PDXDC1: variants seen among roughly 807,000 people sequenced by gnomAD.
The protein encoded by PDXDC1 is pyridoxal-dependent decarboxylase domain-containing protein 1.
PDXDC1 carries 42 observed loss-of-function variants against 100.1 expected under a neutral mutation model. The ratio of observed to expected loss-of-function variants is 0.42; its 90% CI spans 0.33 to 0.54. The LOEUF (loss-of-function observed/expected upper bound fraction) is 0.54, where lower values mean the gene tolerates loss of function less well. PDXDC1 is among the 20% of genes least tolerant of loss of function. The pLI is 0.10. For missense variants in PDXDC1, 636 were observed against 979.2 expected (o/e 0.65, Z 4.68); for synonymous variants, 260 against 371.7 (o/e 0.70, Z 3.46).
At chr16:15,060,578 T>G (rs2044674982) in intron 16 of PDXDC1, 1 of 153,304 alleles carries the variant, frequency 6.5e-6, no homozygotes. Context: ...AAAGTACACA[T>G]GTAAGAAACA....
At chr16:15,104,172 CAA>C in intron 16 of PDXDC1, 20 of 602,280 alleles carry the variant, frequency 3.3e-5, no homozygotes, top group Admixed American at 5.4e-5. Context: ...ACTCCAGTCT[CAA>C]AAAAAAAAAC....
In PDXDC1 at chr16:15,036,191, CGACCA is replaced by C; in HGVS notation, c.2288_2292del (p.Gln763ArgfsTer13). ...CAGGGGCTCCCAGCCCTCAGCACAC[CGACCA>C]GACCGAGGCCTTCCAGAAAGGGGTC... On this transcript the variant is annotated frameshift_variant, in exon 23 of 23. Coordinates refer to ENST00000396410, the MANE Select transcript of PDXDC1 (RefSeq NM_015027.4). LOFTEE classifies it low-confidence loss of function (END_TRUNC). The C allele has an allele frequency of 6.2e-7, 1 of 1,614,064 alleles. No individual in the cohort carries two copies. The highest frequency in any genetic ancestry group is 8.5e-7 in the Non-Finnish European group (1 of 1,179,998).
downstream of PDXDC1, among the ~76,000 whole-genome samples, chr16:15,142,101 G>A (rs189687193): frequency 3.3e-5 from 5 of 152,288 alleles, no homozygotes; most frequent in African/African-American, 7.2e-5. Context: ...CCCAGGCCAC[G>A]GGAGAAAGGA....
At chr16:15,143,707 C>T (rs2048509790), downstream of PDXDC1, among the ~76,000 whole-genome samples, 1 of 152,220 alleles carries the variant, frequency 6.6e-6, no homozygotes, top group South Asian at 2.1e-4. Flanking sequence ...GGACTGAGAA[C>T]TTCCCTGGGT....
intron 15 of PDXDC1, chr16:15,029,497 C>T (rs1272032478): frequency 1.5e-5 from 5 of 342,948 alleles, no homozygotes; most frequent in Admixed American, 4.6e-5. Flanking sequence ...TGCTGGGGCT[C>T]AGCACAGCTG....
chr16:15,064,167 TTTG>T (rs1265010414), intron 16 of PDXDC1, among the ~76,000 whole-genome samples: 1 of 152,012 alleles, frequency 6.6e-6, no homozygotes, highest in Non-Finnish European at 1.5e-5. Context: ...TAAATCGCTT[TTTG>T]TTTTTTTTTT....
intron 16 of PDXDC1, chr16:15,046,113 G>T (rs937447595): frequency 6.6e-6 from 1 of 152,226 alleles, no homozygotes; most frequent in African/African-American, 2.4e-5. Flanking sequence ...CCCCCTGCGG[G>T]GGCCAAGATG....
chr16:15,129,741 A>C (rs2047949676), intron 16 of PDXDC1: 3 of 617,610 alleles, frequency 4.9e-6, no homozygotes, highest in Non-Finnish European at 8.8e-6. Context: ...GGTCATTCCC[A>C]GGATGAACAC....
chr16:15,101,384 T>G (rs894091493), intron 16 of PDXDC1, among the ~76,000 whole-genome samples: 1 of 152,212 alleles, frequency 6.6e-6, no homozygotes, highest in African/African-American at 2.4e-5. Flanking sequence ...TGGCACGATC[T>G]CGGCTCACTG....
At chr16:15,125,489 C>G (rs2151901895) in intron 16 of PDXDC1, 3 of 1,200,228 alleles carry the variant, frequency 2.5e-6, no homozygotes, top group Non-Finnish European at 3.7e-6. Flanking sequence ...AGCCCGCACA[C>G]CCCCGGTACT....
At chr16:15,103,721 G>A (rs2151853427) in intron 16 of PDXDC1, among the ~76,000 whole-genome samples, 1 of 113,852 alleles carries the variant, frequency 8.8e-6, no homozygotes, top group African/African-American at 3.3e-5. Context: ...GGCCGGGCTG[G>A]TCTCAAACTC....
At chr16:15,056,456 C>T (rs912868514) in intron 16 of PDXDC1, among the ~76,000 whole-genome samples, 1 of 152,186 alleles carries the variant, frequency 6.6e-6, no homozygotes, top group East Asian at 1.9e-4. Context: ...TGTGCAGCTC[C>T]GTAGGATTGC....
chr16:15,130,308 G>C, intron 16 of PDXDC1: 1 of 1,542,058 alleles, frequency 6.5e-7, no homozygotes, highest in Non-Finnish European at 8.8e-7. Context: ...CTCCTCCAGG[G>C]GCAGCAGCCC....
At chr16:15,041,901 C>T (rs936165389), downstream of PDXDC1, among the ~76,000 whole-genome samples, 1 of 152,170 alleles carries the variant, frequency 6.6e-6, no homozygotes, top group African/African-American at 2.4e-5. Context: ...GCCTCAGGCC[C>T]GAAGGAGCCT....
intron 16 of PDXDC1, among the ~76,000 whole-genome samples, chr16:15,077,711 T>G (rs1484124384): frequency 1.3e-5 from 2 of 152,138 alleles, no homozygotes; most frequent in Non-Finnish European, 1.5e-5. Context: ...CATGGTGGCA[T>G]GTGCCTGTAA....
intron 16 of PDXDC1, among the ~76,000 whole-genome samples, chr16:15,122,115 G>T (rs1245800620): frequency 6.6e-6 from 1 of 151,852 alleles, no homozygotes; most frequent in Non-Finnish European, 1.5e-5. Context: ...AGTGAGCCGA[G>T]ATCTTGCCAC....
At chr16:15,035,351 A>G (rs941138748) in intron 21 of PDXDC1, 98 bp from the exon 22 acceptor site, 73 of 584,760 alleles carry the variant, frequency 1.2e-4, no homozygotes, top group African/African-American at 2.0e-5. Flanking sequence ...CAGTGGCTGG[A>G]AGGAGGTTAT....
chr16:15,007,886 A>G (rs1173196356), intron 6 of PDXDC1, among the ~76,000 whole-genome samples: 1 of 152,300 alleles, frequency 6.6e-6, no homozygotes, highest in African/African-American at 2.4e-5. Context: ...AGCAGCATAT[A>G]TAAGATGGTT....
At chr16:14,996,685 T>C (rs550433551) in intron 1 of PDXDC1, among the ~76,000 whole-genome samples, 1 of 152,392 alleles carries the variant, frequency 6.6e-6, no homozygotes, top group South Asian at 2.1e-4. Context: ...TGAGACCTTG[T>C]ATCTACAAAA....
Sources: gnomAD v4.1 joint callset for allele counts (sites outside exome capture counted in the v4.1 genomes callset) on GRCh38, gnomAD v4.1.1 for gene constraint, MANE v1.5 for transcripts, NCBI Gene and HGNC (gene_info 2026-07-23, HGNC 2026-07-21) for gene names.